The following EPC1 variants were observed in gnomAD, a reference collection of about 807,000 sequenced individuals.
EPC1 encodes the protein enhancer of polycomb 1.
Under a neutral mutation model 98.4 loss-of-function variants are expected in EPC1, and 12 were observed. That is an observed-to-expected ratio of 0.12 (90% confidence interval 0.08 to 0.20). The LOEUF (loss-of-function observed/expected upper bound fraction) is 0.20. EPC1 is among the 10% of genes least tolerant of loss of function. The pLI, the probability that EPC1 is intolerant of heterozygous loss-of-function variation, is 1.00. For missense variants in EPC1, 729 were observed against 990.5 expected (o/e 0.74, Z 3.54); for synonymous variants, 357 against 363.9 (o/e 0.98, Z 0.21).
At chr10:32,362,775 T>C (rs558286201) in intron 1 of EPC1, among the ~76,000 whole-genome samples, 141 of 152,288 alleles carry the variant, frequency 9.3e-4, no homozygotes, top group African/African-American at 3.3e-3. Flanking sequence ...AACTAACACA[T>C]GGATACCCCA....
chr10:32,334,456 T>A (rs1177177365), intron 1 of EPC1, among the ~76,000 whole-genome samples: 5 of 146,266 alleles, frequency 3.4e-5, no homozygotes, highest in Non-Finnish European at 3.0e-5. Flanking sequence ...ATATAACAGC[T>A]AAAAAAAAAA....
upstream of EPC1, among the ~76,000 whole-genome samples, chr10:32,351,830 AAGTGATT>A: frequency 6.7e-6 from 1 of 149,310 alleles, no homozygotes; most frequent in African/African-American, 2.5e-5. Context: ...TCCCGGGTTC[AAGTGATT>A]CTCCTACCTC....
intron 1 of EPC1, among the ~76,000 whole-genome samples, chr10:32,307,005 ATT>A (rs1276695216): frequency 2.0e-5 from 3 of 152,198 alleles, no homozygotes; most frequent in Non-Finnish European, 2.9e-5. Context: ...ATGTGTACAT[ATT>A]TAAATATGTA....
At chr10:32,282,635 T>G (rs942879454) in intron 10 of EPC1, 2 of 152,260 alleles carry the variant, frequency 1.3e-5, no homozygotes, top group African/African-American at 2.4e-5. Flanking sequence ...GCTCATCTTT[T>G]AATGTTCTTT....
At chr10:32,313,634 T>C (rs946371724) in intron 1 of EPC1, among the ~76,000 whole-genome samples, 22 of 152,198 alleles carry the variant, frequency 1.4e-4, no homozygotes, top group African/African-American at 5.3e-4. Flanking sequence ...CTCACGCCTG[T>C]AATCCCAGCA....
chr10:32,275,492 C>T lies in EPC1; in HGVS notation c.1745-2211G>A, dbSNP rs367819520. ...ATTAAAAATGCAAAAGTTGGCTGGG[C>T]GCGGTGGCTCACGCCTGTAATCCCA... On this transcript the variant is annotated intron_variant, in intron 10 of 13. Transcript: ENST00000319778. 3.7e-4 allele frequency among the ~76,000 whole-genome samples: 56 copies of T among 151,922 alleles called. No individual in the cohort carries two copies. In the South Asian group the frequency reaches 0.01, roughly 28 times the overall value.
At chr10:32,360,224 C>G (rs1422274265) in intron 1 of EPC1, among the ~76,000 whole-genome samples, 2 of 152,046 alleles carry the variant, frequency 1.3e-5, no homozygotes, top group African/African-American at 2.4e-5. Context: ...TATGTTGTAT[C>G]AGTAGTTTTG....
At chr10:32,331,285 G>A (rs1837624628) in intron 1 of EPC1, among the ~76,000 whole-genome samples, 2 of 151,680 alleles carry the variant, frequency 1.3e-5, no homozygotes, top group Non-Finnish European at 1.5e-5. Context: ...CCGGGAGGCA[G>A]AGGTTGCAGT....
At chr10:32,309,455 T>A (rs900908805) in intron 1 of EPC1, among the ~76,000 whole-genome samples, 1 of 151,042 alleles carries the variant, frequency 6.6e-6, no homozygotes, top group Non-Finnish European at 1.5e-5. Flanking sequence ...ATCTATATTT[T>A]AAAATACATT....
intron 1 of EPC1, among the ~76,000 whole-genome samples, chr10:32,354,339 A>C (rs2133088432): frequency 6.6e-6 from 1 of 152,308 alleles, no homozygotes; most frequent in South Asian, 2.1e-4. Context: ...CTGTAATCCC[A>C]GCTACTTGGG....
intron 1 of EPC1, among the ~76,000 whole-genome samples, chr10:32,359,834 T>A (rs1839386585): frequency 6.6e-6 from 1 of 152,214 alleles, no homozygotes; most frequent in South Asian, 2.1e-4. Context: ...CCTTCTGAGG[T>A]CTTTTTGTTT....
At chr10:32,292,443 A>G in intron 5 of EPC1, 53 bp downstream of exon 5, 1 of 1,310,264 alleles carries the variant, frequency 7.6e-7, no homozygotes, top group Non-Finnish European at 1.0e-6. Context: ...AACTCAATAT[A>G]CAAAATGTTA....
intron 13 of EPC1, 105 bp from the exon 14 acceptor site, chr10:32,269,240 T>TG: frequency 1.1e-6 from 1 of 892,338 alleles, no homozygotes. Flanking sequence ...AGGAAGAAAT[T>TG]GGACTCTTTG....
chr10:32,325,617 T>G (rs1487355290), intron 1 of EPC1, among the ~76,000 whole-genome samples: 1 of 152,198 alleles, frequency 6.6e-6, no homozygotes, highest in Admixed American at 6.5e-5. Flanking sequence ...CCAGATAATA[T>G]TTAAGATGTT....
At chr10:32,326,336 GT>G (rs1256343033) in intron 1 of EPC1, among the ~76,000 whole-genome samples, 2 of 152,228 alleles carry the variant, frequency 1.3e-5, no homozygotes, top group Non-Finnish European at 2.9e-5. Flanking sequence ...GCATTTAACT[GT>G]CAGTGAAAGA....
intron 1 of EPC1, among the ~76,000 whole-genome samples, chr10:32,314,563 C>A (rs1836442327): frequency 6.6e-6 from 1 of 152,186 alleles, no homozygotes; most frequent in African/African-American, 2.4e-5. Context: ...TCTCTTCTCT[C>A]CAGCAGGAAA....
chr10:32,302,316 A>G (rs1200772238), intron 2 of EPC1, among the ~76,000 whole-genome samples: 1 of 151,880 alleles, frequency 6.6e-6, no homozygotes, highest in Non-Finnish European at 1.5e-5. Context: ...TTTTAAAAAC[A>G]CCTCAAACTC....
At chr10:32,289,848 T>G (rs1275194232) in intron 6 of EPC1, among the ~76,000 whole-genome samples, 22 of 151,964 alleles carry the variant, frequency 1.4e-4, no homozygotes, top group African/African-American at 5.3e-4. Flanking sequence ...ATGGTCTCGA[T>G]CTCCTGACCT....
chr10:32,301,038 ATATCTATCTATCTATC>A (rs145962262), intron 2 of EPC1, among the ~76,000 whole-genome samples: 55 of 143,108 alleles, frequency 3.8e-4, no homozygotes, highest in South Asian at 1.7e-3. Flanking sequence ...AAGCACATTT[ATATCTATCTATCTATC>A]TATCTATCTA....
Sources: gnomAD v4.1 joint callset for allele counts (sites outside exome capture counted in the v4.1 genomes callset) on GRCh38, gnomAD v4.1.1 for gene constraint, MANE v1.5 for transcripts, NCBI Gene and HGNC (gene_info 2026-07-23, HGNC 2026-07-21) for gene names.